Variants in GNA11 observed in about 807,000 individuals in gnomAD.
GNA11 encodes the protein guanine nucleotide-binding protein subunit alpha-11.
In GNA11, 8 loss-of-function variants were observed where a neutral mutation model predicts 38.2. The ratio of observed to expected loss-of-function variants is 0.21; its 90% CI spans 0.12 to 0.38. GNA11 has a LOEUF of 0.38. GNA11 is among the 10% of genes least tolerant of loss of function. The probability of loss-of-function intolerance (pLI) is 1.00; values close to 1 mark genes in which losing one functional copy is unlikely to be tolerated. For synonymous variants in GNA11, 211 were observed against 221.4 expected, an observed-to-expected ratio of 0.95 and a Z score of 0.42; for missense variants, 268 against 516.3, an observed-to-expected ratio of 0.52 and a Z score of 4.66.
At chr19:3,100,636 G>T (rs572562192) in intron 1 of GNA11, among the ~76,000 whole-genome samples, 62 of 152,298 alleles carry the variant, frequency 4.1e-4, no homozygotes, top group Admixed American at 1.7e-3. Context: ...GGCAGAAGGG[G>T]TCTCCGGGGA....
rs889624730 is a variant in GNA11 at position 3,094,990 on chromosome 19, C to T, written c.136+203C>T. ...CGAGTGTCAGCCCTGCCTGTGCCTTCACTGCCTGTCCGGGTCGGGGCGGGG... is the reference window on the plus strand; with the variant it reads ...CGAGTGTCAGCCCTGCCTGTGCCTTTACTGCCTGTCCGGGTCGGGGCGGGG... On this transcript the variant is annotated intron_variant, in intron 1 of 6. Transcript: ENST00000078429. The surrounding 1 kb of genome is among the most constrained non-coding windows in gnomAD (Gnocchi z 6.0). Among the ~76,000 whole-genome samples, 17 of 151,896 alleles carry T rather than the reference C, an allele frequency of 1.1e-4. No individual in the cohort carries two copies. Among genetic ancestry groups the T allele is most frequent in the Non-Finnish European group, 2.1e-4 (14 of 67,934 alleles).
intron 1 of GNA11, among the ~76,000 whole-genome samples, chr19:3,103,834 T>C (rs896899686): frequency 6.6e-6 from 1 of 152,166 alleles, no homozygotes; most frequent in African/African-American, 2.4e-5. Flanking sequence ...TTCAGGCGCC[T>C]GCCACCATGC....
intron 1 of GNA11, among the ~76,000 whole-genome samples, chr19:3,103,519 C>CGTTTTTTTTTTTTTTT (rs1370578226): frequency 2.2e-5 from 1 of 45,800 alleles, no homozygotes. Flanking sequence ...GGCCTTGAAT[C>CGTTTTTTTTTTTTTTT]TTTTTTTTTT....
Position 3,094,935 on chromosome 19 carries a change from C to T in GNA11, c.136+148C>T. 2 of 520,930 alleles carry T rather than the reference C, an allele frequency of 3.8e-6. No homozygotes were observed. Among genetic ancestry groups the T allele is most frequent in the Non-Finnish European group, 3.2e-6 (1 of 309,336 alleles). The allele number at this position is 520,930 out of a possible 1,614,324, so 32.3% of individuals were successfully genotyped here. On this transcript the variant is annotated intron_variant, in intron 1 of 6. Coordinates refer to ENST00000078429, the MANE Select transcript of GNA11 (RefSeq NM_002067.5). This position sits in a 1 kb window ranked among gnomAD's most constrained non-coding sequence, Gnocchi z 6.0. ...CCTCCGGGGTCAGCCCTGCCTGTGC[C>T]TTCCCTGCCTGTCCGGGTCGCGGGA...
At chr19:3,114,004 C>T (rs1486062520) in intron 3 of GNA11, among the ~76,000 whole-genome samples, 1 of 152,146 alleles carries the variant, frequency 6.6e-6, no homozygotes, top group Non-Finnish European at 1.5e-5. Flanking sequence ...GCCATGGCCG[C>T]AGGTGGAGGC....
At position 3,122,627 on chromosome 19, in the gene GNA11, C is replaced by T; in HGVS notation, c.*1448C>T. ...CTGAACACTACAGCGCCCTGTGGTT[C>T]CGGGCTTCGCACAGCTGTCCCAGGG... is the stretch of plus-strand genomic sequence containing the variant. On this transcript the variant is annotated 3_prime_UTR_variant, in exon 7 of 7. Transcript: ENST00000078429. This position sits in a 1 kb window ranked among gnomAD's most constrained non-coding sequence, Gnocchi z 7.7. 1 of 233,386 alleles carries T rather than the reference C, an allele frequency of 4.3e-6. No homozygotes were observed. Among genetic ancestry groups the T allele is most frequent in the Non-Finnish European group, 8.5e-6 (1 of 118,136 alleles). 14.5% of individuals were successfully genotyped at this position (233,386 alleles called of 1,614,324 possible). A position where few individuals can be genotyped will look rare whatever the true frequency, so the allele number is the denominator to read the frequency against.
chr19:3,105,108 T>G, intron 1 of GNA11, among the ~76,000 whole-genome samples: 3 of 151,146 alleles, frequency 2.0e-5, no homozygotes, highest in East Asian at 2.0e-4. Context: ...GAGGGGTGCA[T>G]GTGAAGTTGG....
At position 3,112,577 on chromosome 19, in the gene GNA11, G is replaced by T. The variant is rs373071425; in HGVS notation, c.322-753G>T. Among the ~76,000 whole-genome samples, 26 of 152,378 alleles carry T rather than the reference G, an allele frequency of 1.7e-4. No individual in the cohort carries two copies. In the East Asian group the frequency reaches 4.8e-3, roughly 28 times the overall value. ...TGTCTGCCCCAAAGGGTGTTCACAT[G>T]TGTGTGCAAGCACGTGTCTGTGCGG... is the stretch of plus-strand genomic sequence containing the variant. On this transcript the variant is annotated intron_variant, in intron 2 of 6. Transcript: ENST00000078429.
intron 1 of GNA11, among the ~76,000 whole-genome samples, chr19:3,096,778 C>T (rs1422836608): frequency 2.0e-5 from 3 of 151,440 alleles, no homozygotes; most frequent in Non-Finnish European, 4.4e-5. Flanking sequence ...CTGTCAGGCT[C>T]AGGGCCAGGC....
chr19:3,105,853 G>A (rs752557930), intron 1 of GNA11, among the ~76,000 whole-genome samples: 6 of 152,148 alleles, frequency 3.9e-5, no homozygotes, highest in Non-Finnish European at 7.3e-5. Context: ...CTTGGTGTGC[G>A]GTGAGGAGTG....
At chr19:3,118,249 G>A (rs1913973336) in intron 4 of GNA11, 1 of 152,104 alleles carries the variant, frequency 6.6e-6, no homozygotes. Context: ...GCCTTTTCTC[G>A]TTATAGAAAA....
chr19:3,108,290 C>G lies in GNA11; in HGVS notation c.137-1859C>G, dbSNP rs1053986303. On this transcript the variant is annotated intron_variant, in intron 1 of 6. Transcript: ENST00000078429. This position sits in a 1 kb window ranked among gnomAD's most constrained non-coding sequence, Gnocchi z 4.5. ...GCGACAGGCACCTGTGCAAAGATAT[C>G]TACCATGGGCAGCAAGGAAGGTTCC... Among the ~76,000 whole-genome samples the G allele has an allele frequency of 6.6e-6, 1 of 152,224 alleles. No homozygotes were observed. Among genetic ancestry groups the G allele is most frequent in the African/African-American group, 2.4e-5 (1 of 41,466 alleles).
rs1226178039 is a variant in GNA11, at chr19:3,119,569, A to G, written c.889+210A>G. On this transcript the variant is annotated intron_variant, in intron 6 of 6. Transcript: ENST00000078429. This position sits in a 1 kb window ranked among gnomAD's most constrained non-coding sequence, Gnocchi z 4.6. ...ATGAGTTCTCCGACGCGGGTGTCTCATACCCGTGGGAGATCTGTTAATGCA... is the reference window on the plus strand; with the variant it reads ...ATGAGTTCTCCGACGCGGGTGTCTCGTACCCGTGGGAGATCTGTTAATGCA... Among the ~76,000 whole-genome samples, 2 of 146,114 alleles carry G rather than the reference A, an allele frequency of 1.4e-5. No individual in the cohort carries two copies. The highest frequency in any genetic ancestry group is 2.6e-5 in the African/African-American group (1 of 39,088).
At chr19:3,109,602 G>A (rs981770089) in intron 1 of GNA11, among the ~76,000 whole-genome samples, 3 of 152,216 alleles carry the variant, frequency 2.0e-5, no homozygotes, top group Non-Finnish European at 2.9e-5. Context: ...GGAGAGCCTC[G>A]TGGGTGCTTG....
At chr19:3,107,697 C>T (rs1331897071) in intron 1 of GNA11, among the ~76,000 whole-genome samples, 1 of 152,092 alleles carries the variant, frequency 6.6e-6, no homozygotes, top group East Asian at 1.9e-4. Flanking sequence ...CTGGGGACAT[C>T]TGTGGTGGTC....
At chr19:3,101,780 C>T (rs762915541) in intron 1 of GNA11, among the ~76,000 whole-genome samples, 2 of 152,284 alleles carry the variant, frequency 1.3e-5, no homozygotes, top group Non-Finnish European at 2.9e-5. Context: ...AGACCCAGCA[C>T]GTGAGGAGAC....
Position 3,110,992 on chromosome 19 carries a change from C to G in GNA11, c.321+659C>G, listed in dbSNP as rs1474139068. On this transcript the variant is annotated intron_variant, in intron 2 of 6. Transcript: ENST00000078429. This position sits in a 1 kb window ranked among gnomAD's most constrained non-coding sequence, Gnocchi z 5.4. The stretch of plus-strand genomic sequence containing the variant: ...TATTTTTTGTAGAGATGGAATTTCA[C>G]CATGTTGCCCAGGCTGGTCTTGAAC... 1.3e-5 allele frequency among the ~76,000 whole-genome samples: 2 copies of G among 152,078 alleles called. No individual in the cohort carries two copies. Among genetic ancestry groups the G allele is most frequent in the African/African-American group, 2.4e-5 (1 of 41,382 alleles).
intron 1 of GNA11, among the ~76,000 whole-genome samples, chr19:3,107,643 G>A (rs1913671168): frequency 6.6e-6 from 1 of 152,154 alleles, no homozygotes; most frequent in African/African-American, 2.4e-5. Flanking sequence ...TAGACATAGA[G>A]TCTCATCTGG....
At position 3,119,366 on chromosome 19, in the gene GNA11, C is replaced by T. The variant is rs201814380; in HGVS notation, c.889+7C>T. The T allele has an allele frequency of 2.1e-5, 33 of 1,607,686 alleles. No individual in the cohort carries two copies. The Admixed American group carries it at 2.7e-4, about 13-fold the overall frequency. ...TACTTCCCCGAGTTCGATGGTGCGCCGGGCTGCGGCATGGGGAGGGGCTCG... is the reference window on the plus strand; with the variant it reads ...TACTTCCCCGAGTTCGATGGTGCGCTGGGCTGCGGCATGGGGAGGGGCTCG... On this transcript the variant is annotated splice_region_variant and intron_variant, in intron 6 of 6. Coordinates refer to ENST00000078429, the MANE Select transcript of GNA11 (RefSeq NM_002067.5). This position sits in a 1 kb window ranked among gnomAD's most constrained non-coding sequence, Gnocchi z 4.6.
Sources: gnomAD v4.1 joint callset for allele counts (sites outside exome capture counted in the v4.1 genomes callset) on GRCh38, gnomAD v4.1.1 for gene constraint, Gnocchi (gnomAD v3.1) non-coding constraint, MANE v1.5 for transcripts, NCBI Gene and HGNC (gene_info 2026-07-23, HGNC 2026-07-21) for gene names.